The following LSP1 variants were observed in gnomAD, a reference collection of about 807,000 sequenced individuals.
LSP1 encodes the protein lymphocyte specific protein 1, also known as lymphocyte-specific protein 1.
A neutral mutation model predicts 49.3 loss-of-function variants in LSP1; 32 were observed. The ratio of observed to expected loss-of-function variants is 0.65; its 90% confidence interval spans 0.49 to 0.87. The LOEUF (loss-of-function observed/expected upper bound fraction) is 0.87. LSP1 is among the 40% of genes least tolerant of loss of function. The pLI is 0.00. For synonymous variants in LSP1, 179 were observed against 178.8 expected (o/e 1.00, Z -0.01); for missense variants, 428 against 442.6 (o/e 0.97, Z 0.30).
intron 1 of LSP1, among the ~76,000 whole-genome samples, chr11:1,858,664 CA>C (rs1464752115): frequency 1.3e-5 from 2 of 152,326 alleles, no homozygotes; most frequent in South Asian, 2.1e-4. Flanking sequence ...GAGGCTCGGC[CA>C]GGGGGCAGCC....
chr11:1,879,982 C>A, intron 1 of LSP1, 105 bp from the exon 2 acceptor site: 2 of 1,398,492 alleles, frequency 1.4e-6, no homozygotes, highest in Non-Finnish European at 2.0e-6. Context: ...GACAGGGCTG[C>A]CTGCACCGTG....
chr11:1,874,109 G>C (rs117799275), intron 1 of LSP1, among the ~76,000 whole-genome samples: 1,577 of 99,842 alleles, frequency 0.016, 93 homozygotes, highest in South Asian at 0.041. Flanking sequence ...GCCGGCAGAG[G>C]AGGGAGGCTG....
At chr11:1,874,655 G>A (rs1041739183) in intron 1 of LSP1, among the ~76,000 whole-genome samples, 25 of 152,238 alleles carry the variant, frequency 1.6e-4, no homozygotes, top group African/African-American at 5.8e-4. Context: ...CCAGGGAGGC[G>A]CCGGGAGGGG....
rs1056994036 is a variant in LSP1 at position 1,871,080 on chromosome 11, G to A, written c.54-9007G>A. On this transcript the variant is annotated intron_variant, in intron 1 of 10. Coordinates refer to ENST00000311604, the MANE Select transcript of LSP1 (RefSeq NM_002339.3). ...AGCTGCGGCGGAGGACGCTGATCGC[G>A]GAGTGCAGGCGAGGGCCCCAGAAAG... The A allele has an allele frequency of 1.5e-5, 15 of 985,476 alleles. No homozygotes were observed. In the South Asian group the frequency reaches 2.3e-4, roughly 15 times the overall value. 61.0% of individuals were successfully genotyped at this position (985,476 alleles called of 1,614,324 possible). A position where few individuals can be genotyped will look rare whatever the true frequency, so the allele number is the denominator to read the frequency against.
At chr11:1,890,861 C>G (rs925846261) in intron 10 of LSP1, 2 of 492,518 alleles carry the variant, frequency 4.1e-6, no homozygotes, top group African/African-American at 3.8e-5. Flanking sequence ...CTCCAGGGCT[C>G]TGTCCTCCAT....
rs191404564 is a variant in LSP1 at position 1,866,588 on chromosome 11, C to T, written c.53+13391C>T. On this transcript the variant is annotated intron_variant, in intron 1 of 10. Transcript: ENST00000311604. ...TGGGCACACCTCATCCCAGCCTCCC[C>T]CTACCCCTGGCCCCCCATAAGCCTC... 1.9e-4 allele frequency: 290 copies of T among 1,549,844 alleles called. 1 individual carries two copies. In the African/African-American group the frequency reaches 3.4e-3, roughly 18 times the overall value.
Position 1,853,207 on chromosome 11 carries a change from T to G in LSP1, c.53+10T>G. ...GGGAAGAGTTGCTGGGGTAAGGGTC[T>G]GCGGCGACGCCCGGCGCCCTGTGCC... On this transcript the variant is annotated intron_variant, in intron 1 of 10. Transcript: ENST00000311604. 6.2e-7 allele frequency: 1 copy of G among 1,607,740 alleles called. No individual in the cohort carries two copies. Among genetic ancestry groups the G allele is most frequent in the Non-Finnish European group, 8.5e-7 (1 of 1,178,640 alleles).
chr11:1,862,653 C>G (rs905166908), intron 1 of LSP1, among the ~76,000 whole-genome samples: 1 of 152,080 alleles, frequency 6.6e-6, no homozygotes, highest in Non-Finnish European at 1.5e-5. Flanking sequence ...GTGATCTTCC[C>G]TACCCCTGGT....
chr11:1,857,965 A>C (rs1204147473), intron 1 of LSP1, among the ~76,000 whole-genome samples: 1 of 152,154 alleles, frequency 6.6e-6, no homozygotes, highest in Non-Finnish European at 1.5e-5. Context: ...CATGTTGGCC[A>C]GGCTGGTCTT....
intron 1 of LSP1, among the ~76,000 whole-genome samples, chr11:1,864,878 C>T (rs1342110458): frequency 2.6e-5 from 4 of 151,770 alleles, no homozygotes; most frequent in Non-Finnish European, 1.5e-5. Flanking sequence ...GGAGCCGGCC[C>T]ACAGACTCCT....
intron 8 of LSP1, 99 bp from the exon 9 acceptor site, chr11:1,887,138 C>T: frequency 2.5e-6 from 3 of 1,205,378 alleles, no homozygotes; most frequent in Non-Finnish European, 3.5e-6. Flanking sequence ...TCCCAGGCCC[C>T]CTGGCCAGGT....
At chr11:1,864,189 G>A in intron 1 of LSP1, 1 of 986,624 alleles carries the variant, frequency 1.0e-6, no homozygotes, top group Non-Finnish European at 1.2e-6. Flanking sequence ...GGAAGGAGGG[G>A]ACGGGACAAA....
At chr11:1,871,292 G>A (rs1057389189) in intron 1 of LSP1, 10 of 986,298 alleles carry the variant, frequency 1.0e-5, no homozygotes, top group South Asian at 4.7e-5. Context: ...CACGAGCAGG[G>A]CGGGGCCCTA....
chr11:1,864,170 G>A (rs1331510318), intron 1 of LSP1: 3 of 986,202 alleles, frequency 3.0e-6, no homozygotes, highest in South Asian at 4.6e-5. Context: ...GGGGCTGAGT[G>A]CGAGACGGGG....
In LSP1 at chr11:1,887,461, C is replaced by G; in HGVS notation, c.931-13C>G. On this transcript the variant is annotated splice_polypyrimidine_tract_variant and intron_variant, in intron 9 of 10. Coordinates refer to ENST00000311604, the MANE Select transcript of LSP1 (RefSeq NM_002339.3). ...CTGCTCTCACCTTCACTCTTGGTCT[C>G]CTTTCCCAACAGAGCACCCCATCTG... 6.2e-7 allele frequency: 1 copy of G among 1,612,682 alleles called. No homozygotes were observed. Among genetic ancestry groups the G allele is most frequent in the Non-Finnish European group, 8.5e-7 (1 of 1,178,798 alleles).
chr11:1,862,742 C>T (rs558271442), intron 1 of LSP1, among the ~76,000 whole-genome samples: 1 of 150,170 alleles, frequency 6.7e-6, no homozygotes, highest in Non-Finnish European at 1.5e-5. Context: ...CCCTGGGTGA[C>T]CTTACCTCCC....
intron 1 of LSP1, among the ~76,000 whole-genome samples, chr11:1,860,357 A>G (rs1038694210): frequency 1.3e-5 from 2 of 151,914 alleles, no homozygotes; most frequent in African/African-American, 4.8e-5. Flanking sequence ...GGATCGATGG[A>G]CAGGTGGGTG....
chr11:1,890,615 T>C (rs1263604093), intron 10 of LSP1: 8 of 693,516 alleles, frequency 1.2e-5, no homozygotes, highest in African/African-American at 3.5e-5. Context: ...GGGACAGTGG[T>C]CAGGCCAGCC....
At chr11:1,859,211 A>G (rs1847561167) in intron 1 of LSP1, among the ~76,000 whole-genome samples, 1 of 152,094 alleles carries the variant, frequency 6.6e-6, no homozygotes, top group African/African-American at 2.4e-5. Context: ...CACACACCAC[A>G]CGCTCAGGGA....
Sources: gnomAD v4.1 joint callset for allele counts (sites outside exome capture counted in the v4.1 genomes callset) on GRCh38, gnomAD v4.1.1 for gene constraint, MANE v1.5 for transcripts, NCBI Gene and HGNC (gene_info 2026-07-23, HGNC 2026-07-21) for gene names.